Variants in KATNAL2 observed in about 807,000 individuals in gnomAD.
KATNAL2 encodes the protein katanin catalytic subunit A1 like 2.
KATNAL2 carries 52 observed loss-of-function variants against 76.3 expected under a neutral mutation model. That is an observed-to-expected ratio of 0.68 (90% CI 0.55 to 0.86). The LOEUF is 0.86. KATNAL2 is among the 40% of genes least tolerant of loss of function. KATNAL2 has a pLI of 0.00. For synonymous variants in KATNAL2, 243 were observed against 244.2 expected, an observed-to-expected ratio of 1.00 and a Z score of 0.05; for missense variants, 660 against 668.9, an observed-to-expected ratio of 0.99 and a Z score of 0.15.
At chr18:47,070,453 T>C (rs2061960961) in intron 13 of KATNAL2, among the ~76,000 whole-genome samples, 1 of 152,190 alleles carries the variant, frequency 6.6e-6, no homozygotes, top group Non-Finnish European at 1.5e-5. Context: ...TTATAGTTGA[T>C]GTTATATTTT....
intron 10 of KATNAL2, among the ~76,000 whole-genome samples, chr18:47,063,602 GAA>G (rs2061701604): frequency 6.6e-6 from 1 of 152,132 alleles, no homozygotes; most frequent in Non-Finnish European, 1.5e-5. Flanking sequence ...AACCAAGAGA[GAA>G]AAAGACTTAG....
chr18:47,048,289 C>T (rs576694038), intron 4 of KATNAL2, among the ~76,000 whole-genome samples: 1 of 152,276 alleles, frequency 6.6e-6, no homozygotes, highest in African/African-American at 2.4e-5. Flanking sequence ...AAGGGAGCTA[C>T]TGGAACTAAA....
chr18:46,942,649 G>T (rs1246790368), intron 1 of KATNAL2, among the ~76,000 whole-genome samples: 1 of 151,964 alleles, frequency 6.6e-6, no homozygotes, highest in African/African-American at 2.4e-5. Context: ...AGTTCATTTT[G>T]TTCTATTATA....
At chr18:47,098,685 T>C (rs1350394498) in intron 15 of KATNAL2, 1 of 154,798 alleles carries the variant, frequency 6.5e-6, no homozygotes, top group African/African-American at 2.4e-5. Flanking sequence ...AAAGGGCGGT[T>C]ATTTGCACTG....
intron 1 of KATNAL2, among the ~76,000 whole-genome samples, chr18:46,922,235 G>A (rs2058589720): frequency 6.6e-6 from 1 of 151,510 alleles, no homozygotes; most frequent in African/African-American, 2.4e-5. Context: ...AAGTAGCTGG[G>A]ACCACGGGCA....
At chr18:47,100,426 C>T in intron 17 of KATNAL2, 70 bp downstream of exon 17, 1 of 1,269,134 alleles carries the variant, frequency 7.9e-7, no homozygotes. Flanking sequence ...GCAGATGGAG[C>T]CTGGCGCCTG....
At chr18:47,096,394 T>G (rs1241355939) in intron 15 of KATNAL2, among the ~76,000 whole-genome samples, 1 of 152,088 alleles carries the variant, frequency 6.6e-6, no homozygotes, top group Non-Finnish European at 1.5e-5. Context: ...CAGGCTGGAG[T>G]GCAATAGTAT....
At chr18:47,086,899 A>G (rs757471971) in intron 15 of KATNAL2, among the ~76,000 whole-genome samples, 1 of 152,196 alleles carries the variant, frequency 6.6e-6, no homozygotes, top group African/African-American at 2.4e-5. Flanking sequence ...GACAAAAACA[A>G]CTTTCAACCT....
At chr18:46,961,924 A>G (rs2059979973) in intron 3 of KATNAL2, among the ~76,000 whole-genome samples, 2 of 152,356 alleles carry the variant, frequency 1.3e-5, no homozygotes, top group South Asian at 2.1e-4. Flanking sequence ...TACTAAGAAT[A>G]TAAGTTTTTA....
chr18:47,099,530 G>A lies in KATNAL2; in HGVS notation c.1374+125G>A, dbSNP rs369541223. On this transcript the variant is annotated intron_variant, in intron 16 of 17. Coordinates refer to ENST00000683218, the MANE Select transcript of KATNAL2 (RefSeq NM_001387690.1). Reference sequence around the variant, plus strand: ...TTAGAATAAGATCCAAGCTGCCCCCGTAATGCAATGGGCATCTTCACGAAG... The same window carrying A: ...TTAGAATAAGATCCAAGCTGCCCCCATAATGCAATGGGCATCTTCACGAAG... 4.3e-4 allele frequency: 354 copies of A among 819,702 alleles called. No individual in the cohort carries two copies. In the Middle Eastern group the frequency reaches 6.2e-3, roughly 14 times the overall value. The allele number at this position is 819,702 out of a possible 1,614,324, so 50.8% of individuals were successfully genotyped here.
chr18:46,949,938 T>C (rs1181594121), intron 3 of KATNAL2, among the ~76,000 whole-genome samples: 3 of 152,148 alleles, frequency 2.0e-5, no homozygotes, highest in African/African-American at 7.2e-5. Context: ...TTTAATGGGA[T>C]CCTTTTAATG....
intron 1 of KATNAL2, among the ~76,000 whole-genome samples, chr18:46,935,944 C>A (rs1283994335): frequency 6.6e-6 from 1 of 152,024 alleles, no homozygotes; most frequent in Non-Finnish European, 1.5e-5. Flanking sequence ...CCCTCTGGAC[C>A]AGTAGGAACT....
chr18:47,032,027 C>A (rs1233509531), intron 3 of KATNAL2, among the ~76,000 whole-genome samples: 2 of 152,172 alleles, frequency 1.3e-5, no homozygotes, highest in Non-Finnish European at 2.9e-5. Flanking sequence ...AGGTAGTTAA[C>A]CCGGTCCTTT....
rs147916610 is a variant in KATNAL2, at chr18:46,921,197, G to A, written c.-510+3271G>A. On this transcript the variant is annotated intron_variant, in intron 1 of 17. Coordinates refer to ENST00000683218, the MANE Select transcript of KATNAL2 (RefSeq NM_001387690.1). The stretch of plus-strand genomic sequence containing the variant: ...GTCTGGAGTGCAGTGGCACGATCTC[G>A]GCTCACTGCAACCTCTGCCCCCCCG... Among the ~76,000 whole-genome samples the A allele has an allele frequency of 6.4e-3, 972 of 152,132 alleles. 17 individuals carry two copies. Among genetic ancestry groups the A allele is most frequent in the African/African-American group, 0.022 (911 of 41,494 alleles).
intron 3 of KATNAL2, among the ~76,000 whole-genome samples, chr18:46,953,682 G>A (rs538346586): frequency 3.5e-4 from 53 of 152,150 alleles, no homozygotes; most frequent in African/African-American, 1.1e-3. Flanking sequence ...ACTTGGGACC[G>A]GCAGGTTGAG....
At chr18:46,955,641 C>T (rs938672916) in intron 3 of KATNAL2, among the ~76,000 whole-genome samples, 2 of 152,132 alleles carry the variant, frequency 1.3e-5, no homozygotes, top group South Asian at 2.1e-4. Context: ...CTCACTGCAG[C>T]CTTGGGCTCA....
At chr18:47,078,034 A>G (rs761622435) in intron 15 of KATNAL2, among the ~76,000 whole-genome samples, 4 of 152,236 alleles carry the variant, frequency 2.6e-5, no homozygotes, top group Non-Finnish European at 5.9e-5. Flanking sequence ...CTTGGAGAAT[A>G]TATTTTAAAA....
chr18:46,919,072 C>T (rs1013121401), intron 1 of KATNAL2, among the ~76,000 whole-genome samples: 12 of 150,776 alleles, frequency 8.0e-5, no homozygotes, highest in African/African-American at 1.7e-4. Context: ...TTGTTTTGGC[C>T]AGGTGCAGTG....
At chr18:47,090,968 T>C (rs769439525) in intron 15 of KATNAL2, among the ~76,000 whole-genome samples, 1 of 152,212 alleles carries the variant, frequency 6.6e-6, no homozygotes, top group Non-Finnish European at 1.5e-5. Context: ...CACTTCATGG[T>C]GTTACATAGA....
Sources: gnomAD v4.1 joint callset for allele counts (sites outside exome capture counted in the v4.1 genomes callset) on GRCh38, gnomAD v4.1.1 for gene constraint, MANE v1.5 for transcripts, NCBI Gene and HGNC (gene_info 2026-07-23, HGNC 2026-07-21) for gene names.